The following CCDC112 variants were observed in gnomAD, a reference collection of about 807,000 sequenced individuals.
CCDC112 encodes the protein coiled-coil domain-containing protein 112.
Under a neutral mutation model 66.3 loss-of-function variants are expected in CCDC112, and 40 were observed. The ratio of observed to expected loss-of-function variants is 0.60; its 90% confidence interval spans 0.47 to 0.79. CCDC112 has a LOEUF of 0.79. CCDC112 is among the 30% of genes least tolerant of loss of function. CCDC112 has a pLI of 0.00. For synonymous variants in CCDC112, 214 were observed against 197.2 expected (o/e 1.09, Z -0.71); for missense variants, 659 against 603.8 (o/e 1.09, Z -0.96).
intron 6 of CCDC112, among the ~76,000 whole-genome samples, chr5:115,272,943 GA>G (rs140434546): frequency 3.2e-4 from 48 of 148,624 alleles, no homozygotes; most frequent in South Asian, 4.2e-4. Flanking sequence ...ATTTTCTATG[GA>G]AAAAAAAAAG....
intron 1 of CCDC112, among the ~76,000 whole-genome samples, chr5:115,292,244 T>TTTG (rs1749963561): frequency 6.6e-6 from 1 of 152,176 alleles, no homozygotes; most frequent in Non-Finnish European, 1.5e-5. Flanking sequence ...TATCTTCAGG[T>TTTG]TTGTTGATAC....
intron 3 of CCDC112, among the ~76,000 whole-genome samples, chr5:115,277,811 T>C (rs1749272532): frequency 6.6e-6 from 1 of 152,216 alleles, no homozygotes; most frequent in African/African-American, 2.4e-5. Flanking sequence ...ACTAGGCTAA[T>C]GTCAAAATAT....
chr5:115,296,540 C>T lies in CCDC112; in HGVS notation c.4G>A (p.Ala2Thr). 1 of 1,494,628 alleles carries T rather than the reference C, an allele frequency of 6.7e-7. No individual in the cohort carries two copies. Among genetic ancestry groups the T allele is most frequent in the South Asian group, 1.3e-5 (1 of 78,278 alleles). The allele number at this position is 1,494,628 out of a possible 1,614,324, so 92.6% of individuals were successfully genotyped here. Residue 2 changes from alanine (A) to threonine (T), a missense_variant, in exon 1 of 10, where the codon GCC (alanine) becomes ACC (threonine). By Grantham distance (58) the Ala-to-Thr change is moderately conservative (BLOSUM62 0). Transcript: ENST00000379611. M[A>T]ALTTVVVAAA... ...GCTACCACAACCGTCGTCAGTGCGG[C>T]CATGTTTACCCGCCGAGCTACTCGG...
At chr5:115,273,327 T>C (rs1580795781) in intron 6 of CCDC112, among the ~76,000 whole-genome samples, 1 of 152,236 alleles carries the variant, frequency 6.6e-6, no homozygotes, top group East Asian at 1.9e-4. Context: ...CAGAATAATA[T>C]CTTCACTTAT....
Position 115,271,383 on chromosome 5 carries a change from G to A in CCDC112, c.1162C>T (p.Gln388Ter). 6.2e-7 allele frequency: 1 copy of A among 1,610,548 alleles called. No individual in the cohort carries two copies. The highest frequency in any genetic ancestry group is 8.5e-7 in the Non-Finnish European group (1 of 1,179,384). The change falls in exon 7 of 10, where the codon CAG becomes TAG. Residue 388 changes from glutamine to a stop codon, truncating the protein, a stop_gained. Coordinates refer to ENST00000379611, the MANE Select transcript of CCDC112 (RefSeq NM_001040440.3). LOFTEE classifies it high-confidence loss of function. ...TTAAACTGGCGCTGGCGTTCTTTCT[G>A]ATGTTTTTTCTCTTTCTCTTCTTCT... ...KEEEEKEKKH[Q>*]KERQRQFKLK...
At position 115,296,569 on chromosome 5, in the gene CCDC112, G is replaced by T. The variant is rs1473685271; in HGVS notation, c.-26C>A. ...GTTTACCCGCCGAGCTACTCGGGCC[G>T]CGGCGGCCACCGGTGCCTGGGGATT... On this transcript the variant is annotated 5_prime_UTR_variant, in exon 1 of 10. Transcript: ENST00000379611. 1.4e-6 allele frequency: 2 copies of T among 1,447,066 alleles called. No homozygotes were observed. The highest frequency in any genetic ancestry group is 1.8e-6 in the Non-Finnish European group (2 of 1,103,594). 89.6% of individuals were successfully genotyped at this position (1,447,066 alleles called of 1,614,324 possible).
intron 4 of CCDC112, among the ~76,000 whole-genome samples, chr5:115,276,721 T>C (rs913809866): frequency 2.6e-5 from 4 of 152,178 alleles, no homozygotes; most frequent in Non-Finnish European, 5.9e-5. Context: ...TTTCTAAGGA[T>C]TTGATAATAC....
intron 3 of CCDC112, among the ~76,000 whole-genome samples, chr5:115,279,181 G>A (rs1206924324): frequency 6.6e-6 from 1 of 152,112 alleles, no homozygotes; most frequent in East Asian, 1.9e-4. Context: ...TGTAGACAAG[G>A]AAACTCAGGT....
chr5:115,277,241 C>A (rs568118592), intron 3 of CCDC112, 187 bp from the exon 4 acceptor site: 8 of 462,500 alleles, frequency 1.7e-5, no homozygotes, highest in Admixed American at 3.7e-5. Context: ...CCTTCAATAT[C>A]TTTCAATATT....
At chr5:115,290,182 G>A (rs531727569) in intron 1 of CCDC112, among the ~76,000 whole-genome samples, 5 of 152,154 alleles carry the variant, frequency 3.3e-5, no homozygotes, top group Admixed American at 1.3e-4. Context: ...TATGGTGTGA[G>A]GTAGTTCAGC....
intron 1 of CCDC112, among the ~76,000 whole-genome samples, chr5:115,291,463 G>C (rs1263438802): frequency 2.6e-5 from 4 of 151,848 alleles, no homozygotes; most frequent in African/African-American, 9.7e-5. Flanking sequence ...TTTTTTGTTT[G>C]ATTTTGGTAT....
At chr5:115,274,505 A>AT (rs988951138) in intron 6 of CCDC112, among the ~76,000 whole-genome samples, 2 of 152,054 alleles carry the variant, frequency 1.3e-5, no homozygotes, top group African/African-American at 4.8e-5. Flanking sequence ...TAGTCAAAGC[A>AT]TTTTTTCTAC....
At chr5:115,272,494 G>T (rs1355082346) in intron 6 of CCDC112, among the ~76,000 whole-genome samples, 1 of 152,180 alleles carries the variant, frequency 6.6e-6, no homozygotes, top group African/African-American at 2.4e-5. Context: ...AAAATGGTAG[G>T]TAGGATTTCT....
At chr5:115,296,400 A>T in intron 1 of CCDC112, 27 bp downstream of exon 1, 1 of 1,561,102 alleles carries the variant, frequency 6.4e-7, no homozygotes, top group South Asian at 1.1e-5. Flanking sequence ...CTGCCGCCAG[A>T]GCAGCTCTCG....
chr5:115,278,592 C>T (rs987096890), intron 3 of CCDC112, among the ~76,000 whole-genome samples: 1 of 152,016 alleles, frequency 6.6e-6, no homozygotes, highest in Admixed American at 6.6e-5. Flanking sequence ...CAAAATTTTA[C>T]TTATTGGCAT....
intron 6 of CCDC112, among the ~76,000 whole-genome samples, chr5:115,273,636 T>C (rs552830203): frequency 5.9e-5 from 9 of 152,352 alleles, no homozygotes; most frequent in East Asian, 1.9e-4. Flanking sequence ...TTTACTTTTA[T>C]CACAAGAAGC....
In CCDC112 at chr5:115,275,383, C is replaced by T; in HGVS notation, c.751G>A (p.Asp251Asn). ...QQTGGRQGAW[D>N]DYDHQNFVKV... The stretch of plus-strand genomic sequence containing the variant: ...ACAAAGTTCTGGTGATCATAATCAT[C>T]CCAGGCACCTTGTCGCCCTCCTGTT... The change falls in exon 6 of 10, where the codon GAT (aspartate) becomes AAT (asparagine). Residue 251 changes from aspartate (D) to asparagine (N), a missense_variant. Asp to Asn is a conservative substitution (Grantham distance 23). Transcript: ENST00000379611. 1.2e-6 allele frequency: 2 copies of T among 1,614,010 alleles called. No individual in the cohort carries two copies. The highest frequency in any genetic ancestry group is 1.7e-6 in the Non-Finnish European group (2 of 1,179,986).
intron 2 of CCDC112, among the ~76,000 whole-genome samples, chr5:115,281,845 T>C (rs1749470801): frequency 6.6e-6 from 1 of 152,122 alleles, no homozygotes. Flanking sequence ...GGCAAAAAAA[T>C]CACAAATTTA....
intron 3 of CCDC112, among the ~76,000 whole-genome samples, chr5:115,278,171 A>G (rs1173468158): frequency 6.6e-6 from 1 of 152,170 alleles, no homozygotes; most frequent in Non-Finnish European, 1.5e-5. Flanking sequence ...AGTAATTAGG[A>G]AAGTGTTTTT....
Sources: allele counts gnomAD v4.1 joint callset (sites outside exome capture counted in the v4.1 genomes callset), GRCh38; gene constraint gnomAD v4.1.1; transcripts MANE v1.5; gene names NCBI Gene and HGNC (gene_info 2026-07-23, HGNC 2026-07-21).